Variants in CSGALNACT1 observed in about 807,000 individuals in gnomAD.
The protein encoded by CSGALNACT1 is chondroitin sulfate N-acetylgalactosaminyltransferase 1, also known as beta4GalNAcT-1.
Under a neutral mutation model 51.0 loss-of-function variants are expected in CSGALNACT1, and 52 were observed. The observed-to-expected ratio is 1.02, with a 90% CI of 0.82 to 1.29. The LOEUF is 1.29. Among genes scored for constraint, CSGALNACT1 ranks in the 50% most tolerant of loss-of-function variants. The probability of loss-of-function intolerance (pLI) is 0.00; values close to 1 mark genes in which losing one functional copy is unlikely to be tolerated. For synonymous variants in CSGALNACT1, 341 were observed against 254.4 expected (o/e 1.34, Z -3.24); for missense variants, 935 against 679.2 (o/e 1.38, Z -4.19).
At chr8:19,552,063 A>G (rs1419772649) in intron 3 of CSGALNACT1, among the ~76,000 whole-genome samples, 2 of 152,228 alleles carry the variant, frequency 1.3e-5, no homozygotes, top group East Asian at 3.8e-4. Flanking sequence ...TAATTTATAA[A>G]TGACATGGAG....
intron 1 of CSGALNACT1, among the ~76,000 whole-genome samples, chr8:19,658,625 T>C (rs1159696081): frequency 6.6e-6 from 1 of 152,056 alleles, no homozygotes; most frequent in African/African-American, 2.4e-5. Context: ...TCCCAGCTAC[T>C]TGGGAGGCTG....
At chr8:19,674,738 G>T (rs150786263) in intron 1 of CSGALNACT1, among the ~76,000 whole-genome samples, 50 of 152,274 alleles carry the variant, frequency 3.3e-4, no homozygotes, top group African/African-American at 1.2e-3. Context: ...ATAATTGGGA[G>T]CAGGGAGGGC....
intron 3 of CSGALNACT1, among the ~76,000 whole-genome samples, chr8:19,571,182 C>A (rs557510887): frequency 2.6e-5 from 4 of 152,220 alleles, no homozygotes; most frequent in African/African-American, 9.6e-5. Context: ...GTTGCCCAGG[C>A]TGGTCTCAAA....
upstream of CSGALNACT1, among the ~76,000 whole-genome samples, chr8:19,687,209 T>G (rs936492484): frequency 1.3e-5 from 2 of 152,150 alleles, no homozygotes; most frequent in Non-Finnish European, 2.9e-5. Flanking sequence ...CAATGAGCTT[T>G]TTCTCTAGTT....
intron 2 of CSGALNACT1, among the ~76,000 whole-genome samples, chr8:19,593,838 G>A (rs1240392294): frequency 6.6e-6 from 1 of 152,144 alleles, no homozygotes; most frequent in East Asian, 1.9e-4. Flanking sequence ...GGCTGGATGA[G>A]AGCCCACTTA....
intron 5 of CSGALNACT1, among the ~76,000 whole-genome samples, chr8:19,446,539 TGA>T (rs1162177396): frequency 6.6e-6 from 1 of 152,162 alleles, no homozygotes; most frequent in Non-Finnish European, 1.5e-5. Context: ...ATTCAGTTAC[TGA>T]GAGAGAGTCT....
intron 1 of CSGALNACT1, among the ~76,000 whole-genome samples, chr8:19,624,298 A>G (rs939793185): frequency 5.3e-5 from 8 of 152,146 alleles, no homozygotes; most frequent in African/African-American, 1.9e-4. Flanking sequence ...AAAACCCACA[A>G]AAATATTCTG....
intron 4 of CSGALNACT1, among the ~76,000 whole-genome samples, chr8:19,461,324 TGC>T (rs2065302869): frequency 6.6e-6 from 1 of 152,252 alleles, no homozygotes; most frequent in African/African-American, 2.4e-5. Flanking sequence ...CCATCTCTGA[TGC>T]TGTCTGGGAT....
intron 1 of CSGALNACT1, among the ~76,000 whole-genome samples, chr8:19,658,952 G>A (rs2058530805): frequency 6.6e-6 from 1 of 152,158 alleles, no homozygotes; most frequent in African/African-American, 2.4e-5. Flanking sequence ...GTACCTGGTA[G>A]CTAGTTACAC....
At chr8:19,499,286 G>A (rs1053417707) in intron 4 of CSGALNACT1, among the ~76,000 whole-genome samples, 21 of 152,090 alleles carry the variant, frequency 1.4e-4, no homozygotes, top group African/African-American at 5.1e-4. Flanking sequence ...TTTACCATAT[G>A]CTGTCATAAC....
rs376546436 is a variant in CSGALNACT1 at position 19,526,951 on chromosome 8, C to A, written c.-296-20821G>T. On this transcript the variant is annotated intron_variant, in intron 3 of 9. Coordinates refer to ENST00000454498, the Ensembl canonical transcript of CSGALNACT1. Reference sequence around the variant, plus strand: ...ATTTACTCAGTACCTACGTTAAATGCTATGTTAAAGTCTCATTCAGGATCT... The same window carrying A: ...ATTTACTCAGTACCTACGTTAAATGATATGTTAAAGTCTCATTCAGGATCT... 2.3e-3 allele frequency among the ~76,000 whole-genome samples: 350 copies of A among 152,276 alleles called. 8 individuals carry two copies. The South Asian group carries it at 0.058, about 25-fold the overall frequency.
chr8:19,674,497 G>A (rs1589434522), intron 1 of CSGALNACT1, among the ~76,000 whole-genome samples: 1 of 152,148 alleles, frequency 6.6e-6, no homozygotes. Flanking sequence ...GAAGGCGACT[G>A]CAGAAGCTGG....
At chr8:19,728,569 T>C (rs764176903) in intron 1 of CSGALNACT1, among the ~76,000 whole-genome samples, 1 of 152,116 alleles carries the variant, frequency 6.6e-6, no homozygotes, top group African/African-American at 2.4e-5. Context: ...ACAGACTTGT[T>C]CTAATCTGAG....
At chr8:19,457,781 C>T (rs767121182) in intron 5 of CSGALNACT1, 1 of 1,351,312 alleles carries the variant, frequency 7.4e-7, no homozygotes, top group East Asian at 4.5e-5. Flanking sequence ...CAATCAAGGG[C>T]TTAAAGGCAC....
At chr8:19,419,699 G>A (rs561498363) in intron 7 of CSGALNACT1, among the ~76,000 whole-genome samples, 1 of 152,274 alleles carries the variant, frequency 6.6e-6, no homozygotes, top group South Asian at 2.1e-4. Flanking sequence ...TTTCTCCTGG[G>A]AATGTTCATG....
intron 4 of CSGALNACT1, among the ~76,000 whole-genome samples, chr8:19,473,891 C>T (rs917753194): frequency 6.6e-6 from 1 of 152,116 alleles, no homozygotes; most frequent in African/African-American, 2.4e-5. Flanking sequence ...AAACAGGTCA[C>T]AATTTTCTAC....
intron 1 of CSGALNACT1, among the ~76,000 whole-genome samples, chr8:19,736,036 A>G (rs753857565): frequency 2.6e-5 from 4 of 152,204 alleles, no homozygotes; most frequent in Non-Finnish European, 4.4e-5. Context: ...GCAACACAGG[A>G]AAACACATTT....
At chr8:19,662,629 C>T (rs866806678) in intron 1 of CSGALNACT1, among the ~76,000 whole-genome samples, 6 of 152,174 alleles carry the variant, frequency 3.9e-5, no homozygotes, top group African/African-American at 1.4e-4. Flanking sequence ...TGATAGGAAA[C>T]CTTTAAATCC....
intron 4 of CSGALNACT1, among the ~76,000 whole-genome samples, chr8:19,462,110 C>T (rs1251196104): frequency 6.6e-6 from 1 of 152,078 alleles, no homozygotes; most frequent in Non-Finnish European, 1.5e-5. Flanking sequence ...TTGTCACAGG[C>T]GGTGTATCTG....
Sources: allele counts gnomAD v4.1 joint callset (sites outside exome capture counted in the v4.1 genomes callset), GRCh38; gene constraint gnomAD v4.1.1; transcripts MANE v1.5; gene names NCBI Gene and HGNC (gene_info 2026-07-23, HGNC 2026-07-21).